Variants in RP1 observed in about 807,000 individuals in gnomAD.
RP1 encodes the protein RP1 axonemal microtubule associated, also known as oxygen-regulated protein 1.
RP1 carries 16 observed loss-of-function variants against 14.8 expected under a neutral mutation model. The ratio of observed to expected loss-of-function variants is 1.08; its 90% CI spans 0.73 to 1.65. The LOEUF is 1.65. Ranked by LOEUF, RP1 falls within the 40% of genes most tolerant of loss-of-function variation. RP1 has a pLI of 0.00. For missense variants in RP1, 2,631 were observed against 2,535.0 expected (o/e 1.04, Z -0.81); for synonymous variants, 876 against 883.6 (o/e 0.99, Z 0.15).
At chr8:54,601,855 A>C (rs978319312) in intron 1 of RP1, among the ~76,000 whole-genome samples, 2 of 152,348 alleles carry the variant, frequency 1.3e-5, no homozygotes, top group African/African-American at 4.8e-5. Context: ...GCATGACTCC[A>C]TTTATATGAA....
chr8:54,718,008 A>C (rs1322387462), intron 15 of RP1, among the ~76,000 whole-genome samples: 2 of 152,222 alleles, frequency 1.3e-5, no homozygotes, highest in Non-Finnish European at 2.9e-5. Flanking sequence ...AAAATGTACA[A>C]ATCTAACAAA....
At chr8:54,813,678 C>A (rs1811067808) in intron 24 of RP1, among the ~76,000 whole-genome samples, 1 of 152,202 alleles carries the variant, frequency 6.6e-6, no homozygotes, top group Non-Finnish European at 1.5e-5. Context: ...ACATGGACAT[C>A]CTCGTGCACA....
chr8:54,680,063 T>G (rs1807392686), intron 12 of RP1: 1 of 1,194,352 alleles, frequency 8.4e-7, no homozygotes. Flanking sequence ...TTAGGCCATT[T>G]AAATAATTTA....
At chr8:54,589,331 G>A (rs1399032529) in intron 1 of RP1, among the ~76,000 whole-genome samples, 1 of 151,886 alleles carries the variant, frequency 6.6e-6, no homozygotes, top group African/African-American at 2.4e-5. Context: ...AATTTTTTTT[G>A]GGGGAGAGGG....
rs1356860861 is a variant in RP1 at position 54,628,089 on chromosome 8, C to T, written c.4207C>T (p.Leu1403=). Residue 1403 remains leucine, a synonymous_variant, in exon 4 of 4, where the codon CTA becomes TTA. Coordinates refer to ENST00000220676, the MANE Select transcript of RP1 (RefSeq NM_006269.2). The part of the protein sequence containing the change: ...VSNLSSCGLC[L]SEKEAELDKK... The stretch of plus-strand genomic sequence containing the variant: ...TAATTTAAGCTCCTGTGGCCTTTGC[C>T]TAAGTGAAAAAGAAGCAGAACTTGA... The T allele has an allele frequency of 1.2e-5, 19 of 1,613,834 alleles. No homozygotes were observed. Among genetic ancestry groups the T allele is most frequent in the Non-Finnish European group, 1.5e-5 (18 of 1,179,934 alleles).
intron 1 of RP1, among the ~76,000 whole-genome samples, chr8:54,593,783 C>T: frequency 6.6e-6 from 1 of 152,206 alleles, no homozygotes; most frequent in East Asian, 1.9e-4. Context: ...ATATCAGGCA[C>T]AGGGTCTGAC....
intron 20 of RP1, chr8:54,755,493 A>G (rs1472032586): frequency 8.1e-6 from 7 of 867,522 alleles, no homozygotes; most frequent in Non-Finnish European, 1.2e-5. Flanking sequence ...AATCCAGATT[A>G]CAGGAATTCT....
At chr8:54,561,190 A>T (rs1474754679) in intron 1 of RP1, among the ~76,000 whole-genome samples, 1 of 152,214 alleles carries the variant, frequency 6.6e-6, no homozygotes, top group Admixed American at 6.5e-5. Context: ...TTCTACTATT[A>T]GAGCTTCTTA....
At chr8:54,638,791 G>A (rs192124392) in intron 3 of RP1, among the ~76,000 whole-genome samples, 282 of 151,658 alleles carry the variant, frequency 1.9e-3, no homozygotes, top group African/African-American at 6.1e-3. Context: ...TTTCCCCTCC[G>A]TTTTTTGTTC....
intron 25 of RP1, among the ~76,000 whole-genome samples, chr8:54,843,001 A>G (rs1209919993): frequency 2.7e-5 from 4 of 150,320 alleles, no homozygotes; most frequent in Non-Finnish European, 5.9e-5. Context: ...ACTGCAAGAA[A>G]CTCCACTCCC....
intron 14 of RP1, among the ~76,000 whole-genome samples, chr8:54,704,584 A>T (rs1808104253): frequency 6.6e-6 from 1 of 152,230 alleles, no homozygotes; most frequent in Admixed American, 6.5e-5. Flanking sequence ...GAAAAATAGT[A>T]CTGATAGACT....
chr8:54,799,561 C>T (rs1218263633), intron 24 of RP1, among the ~76,000 whole-genome samples: 13 of 151,866 alleles, frequency 8.6e-5, no homozygotes, highest in Non-Finnish European at 1.9e-4. Flanking sequence ...CTTTTTCTCC[C>T]CTTTTCCTGC....
In RP1 at chr8:54,630,330, A is replaced by C. The variant is rs1270944366; in HGVS notation, c.6448A>C (p.Ser2150Arg). The C allele has an allele frequency of 1.2e-6, 2 of 1,613,754 alleles. No individual in the cohort carries two copies. Among genetic ancestry groups the C allele is most frequent in the East Asian group, 2.2e-5 (1 of 44,802 alleles). The change falls in exon 4 of 4, where the codon AGT (serine) becomes CGT (arginine). Residue 2150 changes from serine (S) to arginine (R), a missense_variant. Transcript: ENST00000220676. ...ATTAAATTTAACTGATCTTGAAAGC[A>C]GTAGAGAACAAGAAGATTTATAATT... ...DILNLTDLES[S>R]REQEDL is the part of the protein sequence containing the mutation.
intron 5 of RP1, chr8:54,652,944 A>G (rs1806686548): frequency 9.2e-6 from 9 of 977,814 alleles, no homozygotes; most frequent in Non-Finnish European, 1.4e-5. Context: ...CATCATGCCT[A>G]TAATGAGTTG....
exon 15 of RP1, chr8:54,706,613 A>G (rs1433469857): frequency 3.3e-6 from 5 of 1,536,136 alleles, no homozygotes; most frequent in Admixed American, 2.0e-5. Context: ...TGAAAAATGC[A>G]CAAATGTATC....
intron 15 of RP1, among the ~76,000 whole-genome samples, chr8:54,713,860 C>A (rs553479559): frequency 1.1e-4 from 16 of 152,240 alleles, no homozygotes; most frequent in African/African-American, 3.9e-4. Flanking sequence ...TTTGAATTTT[C>A]TAAAAAATGG....
chr8:54,790,246 T>A (rs545808475), intron 24 of RP1, among the ~76,000 whole-genome samples: 185 of 152,326 alleles, frequency 1.2e-3, no homozygotes, highest in African/African-American at 4.3e-3. Flanking sequence ...GCAGATGTCT[T>A]GCCCAATTGG....
At chr8:54,617,639 C>T (rs1292650890) in intron 1 of RP1, among the ~76,000 whole-genome samples, 1 of 152,190 alleles carries the variant, frequency 6.6e-6, no homozygotes, top group South Asian at 2.1e-4. Context: ...TACACAGACT[C>T]TCCTCTGGAA....
chr8:54,842,612 G>A (rs1811813965), intron 25 of RP1, among the ~76,000 whole-genome samples: 1 of 152,136 alleles, frequency 6.6e-6, no homozygotes, highest in South Asian at 2.1e-4. Flanking sequence ...GTATCACAAA[G>A]AGCACTTTGG....
Sources: allele counts gnomAD v4.1 joint callset (sites outside exome capture counted in the v4.1 genomes callset), GRCh38; gene constraint gnomAD v4.1.1; transcripts MANE v1.5; gene names NCBI Gene and HGNC (gene_info 2026-07-23, HGNC 2026-07-21).